LYPLAL1: variants seen among roughly 807,000 people sequenced by gnomAD.
The protein encoded by LYPLAL1 is lysophospholipase like 1, also known as lysophospholipase-like protein 1.
Under a neutral mutation model 19.7 loss-of-function variants are expected in LYPLAL1, and 23 were observed. The ratio of observed to expected loss-of-function variants is 1.17; its 90% CI spans 0.84 to 1.65. The LOEUF is 1.65. Among genes scored for constraint, LYPLAL1 ranks in the 40% most tolerant of loss-of-function variants. The pLI, the probability that LYPLAL1 is intolerant of heterozygous loss-of-function variation, is 0.00. For missense variants in LYPLAL1, 355 were observed against 279.4 expected (o/e 1.27, Z -1.93); for synonymous variants, 119 against 96.3 (o/e 1.24, Z -1.38).
At chr1:219,421,350 G>T in the LYPLAL1 span, among the ~76,000 whole-genome samples, 2 of 152,148 alleles carry the variant, frequency 1.3e-5, no homozygotes, top group Non-Finnish European at 2.9e-5. Flanking sequence ...AGGAAAACCA[G>T]ATCATGAGAG....
the LYPLAL1 span, among the ~76,000 whole-genome samples, chr1:219,233,636 G>A: frequency 6.6e-6 from 1 of 152,018 alleles, no homozygotes; most frequent in Non-Finnish European, 1.5e-5. Context: ...GGGCATGGTG[G>A]TGCAAGCCTG....
the LYPLAL1 span, among the ~76,000 whole-genome samples, chr1:219,384,040 C>A: frequency 6.6e-6 from 1 of 152,214 alleles, no homozygotes; most frequent in African/African-American, 2.4e-5. Context: ...CTGTTTTCCT[C>A]TCCTTCACAG....
chr1:219,243,611 G>C, the LYPLAL1 span, among the ~76,000 whole-genome samples: 1 of 151,958 alleles, frequency 6.6e-6, no homozygotes. Context: ...GCTACACATA[G>C]CTGTTTTAAA....
chr1:219,244,911 C>CAA, the LYPLAL1 span, among the ~76,000 whole-genome samples: 4,462 of 122,274 alleles, frequency 0.036, 185 homozygotes, highest in African/African-American at 0.096. Context: ...CATGCCACTG[C>CAA]AAAAAAAAAA....
the LYPLAL1 span, among the ~76,000 whole-genome samples, chr1:219,393,545 A>G: frequency 6.6e-6 from 1 of 152,154 alleles, no homozygotes; most frequent in African/African-American, 2.4e-5. Flanking sequence ...AGACTGGCTG[A>G]TGCAGGGTTA....
At chr1:219,233,129 A>G in the LYPLAL1 span, among the ~76,000 whole-genome samples, 1 of 152,254 alleles carries the variant, frequency 6.6e-6, no homozygotes. Context: ...GTCCATCAAT[A>G]GATGAATGGA....
intron 3 of LYPLAL1, among the ~76,000 whole-genome samples, chr1:219,198,215 A>G (rs1323485003): frequency 2.6e-5 from 4 of 152,136 alleles, no homozygotes; most frequent in African/African-American, 9.7e-5. Context: ...TTGACAGCAT[A>G]TACAGAAGTA....
At chr1:219,174,292 GC>G in intron 1 of LYPLAL1, 1 of 1,249,160 alleles carries the variant, frequency 8.0e-7, no homozygotes, top group Non-Finnish European at 1.0e-6. Flanking sequence ...TTTAAACAGA[GC>G]AAGTTAGTAA....
At chr1:219,402,150 T>G in the LYPLAL1 span, among the ~76,000 whole-genome samples, 1 of 152,214 alleles carries the variant, frequency 6.6e-6, no homozygotes, top group Non-Finnish European at 1.5e-5. Flanking sequence ...AGTTTCAATT[T>G]GTTTTATTTA....
chr1:219,261,047 A>C, the LYPLAL1 span, among the ~76,000 whole-genome samples: 2 of 152,144 alleles, frequency 1.3e-5, no homozygotes, highest in Admixed American at 6.6e-5. Context: ...TGAAAAAGAT[A>C]ATACTTTATA....
chr1:219,376,052 A>G, the LYPLAL1 span, among the ~76,000 whole-genome samples: 5 of 152,090 alleles, frequency 3.3e-5, no homozygotes, highest in African/African-American at 9.6e-5. Flanking sequence ...ATGCTTCCTG[A>G]TTTTCTAACT....
the LYPLAL1 span, among the ~76,000 whole-genome samples, chr1:219,312,675 A>G: frequency 2.6e-5 from 4 of 152,170 alleles, no homozygotes; most frequent in Non-Finnish European, 5.9e-5. Flanking sequence ...TTTTGTGGGC[A>G]CCTTGTCTGT....
chr1:219,320,296 G>T, the LYPLAL1 span, among the ~76,000 whole-genome samples: 2 of 151,858 alleles, frequency 1.3e-5, no homozygotes, highest in African/African-American at 4.8e-5. Flanking sequence ...TTTTGCTACT[G>T]GGAATGGAAG....
chr1:219,262,078 G>C, the LYPLAL1 span, among the ~76,000 whole-genome samples: 3 of 151,946 alleles, frequency 2.0e-5, no homozygotes, highest in Non-Finnish European at 4.4e-5. Context: ...GTCTGATTGG[G>C]TTAATTCAAA....
chr1:219,248,618 G>C, the LYPLAL1 span, among the ~76,000 whole-genome samples: 1 of 152,030 alleles, frequency 6.6e-6, no homozygotes, highest in African/African-American at 2.4e-5. Context: ...ACTTCAGATT[G>C]TTGGTAACGA....
chr1:219,364,327 A>G, the LYPLAL1 span, among the ~76,000 whole-genome samples: 2 of 152,100 alleles, frequency 1.3e-5, no homozygotes, highest in Admixed American at 1.3e-4. Context: ...CTTGTAGTCA[A>G]AATCATCTTA....
At chr1:219,417,801 G>A in the LYPLAL1 span, among the ~76,000 whole-genome samples, 6 of 152,258 alleles carry the variant, frequency 3.9e-5, no homozygotes, top group Non-Finnish European at 8.8e-5. Flanking sequence ...ACGGCAAAGT[G>A]CAGCCTTCCA....
At chr1:219,325,292 A>G in the LYPLAL1 span, among the ~76,000 whole-genome samples, 7 of 152,194 alleles carry the variant, frequency 4.6e-5, no homozygotes, top group African/African-American at 1.4e-4. Context: ...GATTTGTCAT[A>G]TAGATTCACT....
At chr1:219,369,178 T>A in the LYPLAL1 span, among the ~76,000 whole-genome samples, 1 of 152,252 alleles carries the variant, frequency 6.6e-6, no homozygotes, top group African/African-American at 2.4e-5. Flanking sequence ...TTCAGACTTA[T>A]AAATTGTCAC....
Sources: gnomAD v4.1 joint callset for allele counts (sites outside exome capture counted in the v4.1 genomes callset) on GRCh38, gnomAD v4.1.1 for gene constraint, MANE v1.5 for transcripts, NCBI Gene and HGNC (gene_info 2026-07-23, HGNC 2026-07-21) for gene names.